The following GNE variants were observed in gnomAD, a reference collection of about 807,000 sequenced individuals.
GNE encodes bifunctional UDP-N-acetylglucosamine 2-epimerase/N-acetylmannosamine kinase.
GNE carries 41 observed loss-of-function variants against 61.8 expected under a neutral mutation model. That is an observed-to-expected ratio of 0.66 (90% confidence interval 0.52 to 0.86). The LOEUF (loss-of-function observed/expected upper bound fraction) is 0.86, where lower values mean the gene tolerates loss of function less well. Ranked by LOEUF, GNE falls within the 40% of genes least tolerant of loss-of-function variation. GNE has a pLI of 0.00. For synonymous variants in GNE, 264 were observed against 326.4 expected (o/e 0.81, Z 2.06); for missense variants, 608 against 909.1 (o/e 0.67, Z 4.26).
intron 1 of GNE, among the ~76,000 whole-genome samples, chr9:36,254,232 A>AT (rs1554665012): frequency 2.6e-5 from 4 of 151,062 alleles, no homozygotes; most frequent in African/African-American, 9.7e-5. Flanking sequence ...AAATAAATAA[A>AT]AACAAGAAAT....
In GNE at chr9:36,235,884, T is replaced by C. The variant is rs192880777; in HGVS notation, c.769+948A>G. Among the ~76,000 whole-genome samples the C allele has an allele frequency of 1.0e-3, 155 of 152,300 alleles. 1 individual carries two copies. The highest frequency in any genetic ancestry group is 5.0e-3 in the Admixed American group (77 of 15,300). On this transcript the variant is annotated intron_variant, in intron 4 of 11. Transcript: ENST00000642385. ...AACAATGAGTGGTGTCAGCTAAAGATAACCAGTGTTTGGAAATTCTTCAGT... is the reference window on the plus strand; with the variant it reads ...AACAATGAGTGGTGTCAGCTAAAGACAACCAGTGTTTGGAAATTCTTCAGT...
In GNE at chr9:36,218,224, G is replaced by A. The variant is rs62541771; in HGVS notation, c.1892C>T (p.Ala631Val). Residue 631 changes from alanine to valine, a missense_variant, in exon 11 of 12, where the codon GCG becomes GTG. Physicochemically the swap from Ala to Val is moderately conservative, Grantham distance 64 (BLOSUM62 0). Transcript: ENST00000642385. This position sits in a 1 kb window ranked among gnomAD's most constrained non-coding sequence, Gnocchi z 4.1. ...CTGGGCCTTCGCATTGCCAAGTTTC[G>A]CAGCTTGGATGAGATGGAGCGCACC... ...AVGALHLIQA[A>V]KLGNAKAQSI... is the part of the protein sequence containing the mutation. The A allele has an allele frequency of 2.1e-4, 346 of 1,613,808 alleles. No homozygotes were observed. The highest frequency in any genetic ancestry group is 2.8e-4 in the Non-Finnish European group (328 of 1,179,902).
At chr9:36,238,197 T>G (rs1173103891) in intron 3 of GNE, among the ~76,000 whole-genome samples, 1 of 152,204 alleles carries the variant, frequency 6.6e-6, no homozygotes, top group Non-Finnish European at 1.5e-5. Context: ...AATGGGCATT[T>G]GGTTGGTTCC....
chr9:36,275,890 G>A (rs1170977529), intron 1 of GNE, among the ~76,000 whole-genome samples: 1 of 152,158 alleles, frequency 6.6e-6, no homozygotes, highest in Non-Finnish European at 1.5e-5. Context: ...GTTTTTATAA[G>A]GCCAGGTACA....
chr9:36,250,507 C>A (rs1371322719), intron 1 of GNE, among the ~76,000 whole-genome samples: 2 of 152,194 alleles, frequency 1.3e-5, no homozygotes, highest in East Asian at 3.8e-4. Context: ...AAATCCTTGT[C>A]TTTTCTGTTC....
upstream of GNE, among the ~76,000 whole-genome samples, chr9:36,262,423 GAGATCA>G (rs2031048107): frequency 1.3e-5 from 2 of 152,022 alleles, no homozygotes; most frequent in African/African-American, 2.4e-5. Flanking sequence ...TTGGCTTTTT[GAGATCA>G]CTTTCCTATG....
At position 36,269,045 on chromosome 9, in the gene GNE, G is replaced by T. The variant is rs145308453; in HGVS notation, c.51+7849C>A. Among the ~76,000 whole-genome samples the T allele has an allele frequency of 3.7e-4, 56 of 150,908 alleles. No homozygotes were observed. The East Asian group carries it at 0.011, about 29-fold the overall frequency. ...CTTGGGAGGCTGAGACAGGAGAATC[G>T]CTTGAACCTGGAAGTCGGAGGTTGC... On this transcript the variant is annotated intron_variant, in intron 1 of 11. Coordinates refer to the GNE transcript ENST00000396594.
At chr9:36,276,861 T>G in intron 1 of GNE, 1 of 1,523,418 alleles carries the variant, frequency 6.6e-7, no homozygotes, top group Non-Finnish European at 9.0e-7. Context: ...GCAATTTCAA[T>G]AATAAAGCTC....
intron 10 of GNE, 122 bp downstream of exon 10, chr9:36,219,716 T>G: frequency 1.1e-6 from 1 of 891,892 alleles, no homozygotes; most frequent in Admixed American, 1.9e-5. Flanking sequence ...AGCCCTGCTC[T>G]TTCCCTAAGA....
intron 7 of GNE, 38 bp downstream of exon 7, chr9:36,227,210 T>C: frequency 7.8e-7 from 1 of 1,281,348 alleles, no homozygotes; most frequent in Non-Finnish European, 1.1e-6. Flanking sequence ...CAATCGCTCA[T>C]ATGGGATATA....
In GNE at chr9:36,222,335, C is replaced by T. The variant is rs1163035052; in HGVS notation, c.1633+442G>A. 7.4e-5 allele frequency among the ~76,000 whole-genome samples: 11 copies of T among 148,528 alleles called. 1 individual carries two copies. In the East Asian group the frequency reaches 9.9e-4, roughly 13 times the overall value. On this transcript the variant is annotated intron_variant, in intron 9 of 11. Transcript: ENST00000642385. ...TTGGGAGGCTGAGGCAGGAGAATGGCGTGAACCCAGGAGGCGGAGCTTGCA... is the reference window on the plus strand; with the variant it reads ...TTGGGAGGCTGAGGCAGGAGAATGGTGTGAACCCAGGAGGCGGAGCTTGCA...
At chr9:36,230,737 G>C (rs889780307) in intron 5 of GNE, among the ~76,000 whole-genome samples, 2 of 149,364 alleles carry the variant, frequency 1.3e-5, no homozygotes, top group African/African-American at 5.0e-5. Flanking sequence ...TTGGCTCACT[G>C]CAAGTTCCGC....
At chr9:36,242,921 C>G (rs4878645) in intron 3 of GNE, among the ~76,000 whole-genome samples, 114,376 of 150,776 alleles carry the variant, frequency 0.76, 43,761 homozygotes, top group Non-Finnish European at 0.81. Context: ...TGTATTTTTA[C>G]TAGAAATGGG....
chr9:36,244,039 C>T (rs1197711282), intron 3 of GNE, among the ~76,000 whole-genome samples: 4 of 151,830 alleles, frequency 2.6e-5, no homozygotes, highest in African/African-American at 9.7e-5. Flanking sequence ...TCACAGATCA[C>T]TGTAGCCTCA....
chr9:36,264,205 T>C (rs1418338646), intron 1 of GNE, among the ~76,000 whole-genome samples: 3 of 152,144 alleles, frequency 2.0e-5, no homozygotes, highest in Non-Finnish European at 4.4e-5. Context: ...CTATCTTGGC[T>C]CACTGCAACC....
rs576554332 is a variant in GNE, at chr9:36,225,557, C to G, written c.1281+1691G>C. Among the ~76,000 whole-genome samples the G allele has an allele frequency of 2.0e-5, 3 of 152,228 alleles. No homozygotes were observed. The East Asian group carries it at 5.8e-4, about 29-fold the overall frequency. ...GGCTGAAGCACAAAAATCACTTGAG[C>G]CCGGGAGGCAGAGGTTGCAGTGAGC... is the stretch of plus-strand genomic sequence containing the variant. On this transcript the variant is annotated intron_variant, in intron 7 of 11. Transcript: ENST00000642385.
At chr9:36,228,904 C>T (rs908587074) in intron 6 of GNE, 117 bp downstream of exon 6, 3 of 776,964 alleles carry the variant, frequency 3.9e-6, no homozygotes, top group East Asian at 2.4e-5. Flanking sequence ...AACTAGGGGC[C>T]CGTAGGCATA....
At chr9:36,247,182 G>A (rs199755729) in intron 2 of GNE, among the ~76,000 whole-genome samples, 17 of 152,014 alleles carry the variant, frequency 1.1e-4, no homozygotes, top group Non-Finnish European at 1.6e-4. Flanking sequence ...TCAGCCTCCC[G>A]AGTAGCTGGG....
intron 3 of GNE, among the ~76,000 whole-genome samples, chr9:36,241,915 C>G (rs1220551337): frequency 6.6e-6 from 1 of 152,166 alleles, no homozygotes; most frequent in African/African-American, 2.4e-5. Context: ...GAGGGCGGAT[C>G]ACCTGAGGTC....
Sources: allele counts gnomAD v4.1 joint callset (sites outside exome capture counted in the v4.1 genomes callset), GRCh38; gene constraint gnomAD v4.1.1; non-coding constraint Gnocchi (gnomAD v3.1); transcripts MANE v1.5; gene names NCBI Gene and HGNC (gene_info 2026-07-23, HGNC 2026-07-21).